The following GDAP2 variants were observed in gnomAD, a reference collection of about 807,000 sequenced individuals.
GDAP2 encodes ganglioside induced differentiation associated protein 2.
A neutral mutation model predicts 67.0 loss-of-function variants in GDAP2; 51 were observed. That is an observed-to-expected ratio of 0.76 (90% CI 0.61 to 0.96). The LOEUF (loss-of-function observed/expected upper bound fraction) is 0.96. Ranked by LOEUF, GDAP2 falls within the 40% of genes least tolerant of loss-of-function variation. The probability of loss-of-function intolerance (pLI) is 0.00; values close to 1 mark genes in which losing one functional copy is unlikely to be tolerated. For missense variants in GDAP2, 547 were observed against 588.3 expected (o/e 0.93, Z 0.73); for synonymous variants, 203 against 207.3 (o/e 0.98, Z 0.18).
intron 8 of GDAP2, 69 bp downstream of exon 8, chr1:117,896,764 T>G: frequency 9.9e-7 from 1 of 1,008,934 alleles, no homozygotes; most frequent in Non-Finnish European, 1.5e-6. Context: ...AGCTCATGCA[T>G]CAGATGCAAG....
At chr1:117,886,876 C>T (rs1043613577) in intron 9 of GDAP2, among the ~76,000 whole-genome samples, 1 of 151,982 alleles carries the variant, frequency 6.6e-6, no homozygotes, top group African/African-American at 2.4e-5. Flanking sequence ...TAAGAGAAGA[C>T]CTCTTAAAGA....
intron 5 of GDAP2, among the ~76,000 whole-genome samples, chr1:117,907,549 A>C (rs1432785985): frequency 1.3e-5 from 2 of 152,228 alleles, no homozygotes; most frequent in Non-Finnish European, 2.9e-5. Flanking sequence ...TTTTGGTTAC[A>C]TATCAACATC....
chr1:117,878,648 C>T (rs1340685730), intron 12 of GDAP2, among the ~76,000 whole-genome samples: 4 of 152,202 alleles, frequency 2.6e-5, no homozygotes, highest in African/African-American at 4.8e-5. Context: ...ATTTCTTTCT[C>T]GAAGTCCATC....
At chr1:117,873,783 T>C (rs987635326) in intron 13 of GDAP2, among the ~76,000 whole-genome samples, 1 of 152,202 alleles carries the variant, frequency 6.6e-6, no homozygotes, top group Non-Finnish European at 1.5e-5. Flanking sequence ...TGCTTCATCC[T>C]TAGTGGCTAC....
chr1:117,900,667 G>A (rs1350383355), intron 6 of GDAP2, among the ~76,000 whole-genome samples: 1 of 151,818 alleles, frequency 6.6e-6, no homozygotes, highest in Non-Finnish European at 1.5e-5. Context: ...TCGGGAGGCT[G>A]AGGCAGGGGA....
chr1:117,880,223 T>C (rs1173776458), intron 12 of GDAP2, among the ~76,000 whole-genome samples: 1 of 151,748 alleles, frequency 6.6e-6, no homozygotes, highest in African/African-American at 2.4e-5. Flanking sequence ...GGCTGACAAA[T>C]GAGACTGAGA....
At chr1:117,914,999 A>T (rs1649999668) in intron 3 of GDAP2, among the ~76,000 whole-genome samples, 1 of 152,160 alleles carries the variant, frequency 6.6e-6, no homozygotes, top group Non-Finnish European at 1.5e-5. Context: ...ACTGTGCAGC[A>T]GGCACAGAGA....
chr1:117,871,788 C>T (rs1038648509), intron 13 of GDAP2, among the ~76,000 whole-genome samples: 2 of 152,046 alleles, frequency 1.3e-5, no homozygotes, highest in Admixed American at 6.6e-5. Context: ...CTAGGATAGG[C>T]TACATTTCTA....
intron 13 of GDAP2, among the ~76,000 whole-genome samples, chr1:117,871,805 T>C (rs1192212419): frequency 4.6e-5 from 7 of 152,060 alleles, no homozygotes; most frequent in Non-Finnish European, 7.4e-5. Flanking sequence ...TCTAAAAACT[T>C]GAAAAACCTT....
intron 13 of GDAP2, chr1:117,877,276 G>T: frequency 1.0e-6 from 1 of 954,874 alleles, no homozygotes; most frequent in Non-Finnish European, 1.2e-6. Flanking sequence ...AATTAGGGAA[G>T]AATAATTCAT....
At chr1:117,875,590 C>G (rs1648430198) in intron 13 of GDAP2, among the ~76,000 whole-genome samples, 1 of 152,214 alleles carries the variant, frequency 6.6e-6, no homozygotes, top group African/African-American at 2.4e-5. Context: ...GGAAAAACCT[C>G]TAGCATTCAG....
rs533134204 is a variant in GDAP2 at position 117,912,804 on chromosome 1, A to G, written c.317-121T>C. On this transcript the variant is annotated intron_variant, in intron 3 of 13. Coordinates refer to ENST00000369443, the MANE Select transcript of GDAP2 (RefSeq NM_017686.4). ...TGAGAAATTTCAGTTAAAAATACAG[A>G]CTGAACACAAGCATTTATCTCTGTT... 83 of 791,586 alleles carry G rather than the reference A, an allele frequency of 1.0e-4. No individual in the cohort carries two copies. In the African/African-American group the frequency reaches 1.2e-3, roughly 12 times the overall value. 49.0% of individuals were successfully genotyped at this position (791,586 alleles called of 1,614,324 possible). A position where few individuals can be genotyped will look rare whatever the true frequency, so the allele number is the denominator to read the frequency against.
At chr1:117,913,734 G>A (rs947600360) in intron 3 of GDAP2, among the ~76,000 whole-genome samples, 2 of 152,054 alleles carry the variant, frequency 1.3e-5, no homozygotes, top group South Asian at 2.1e-4. Flanking sequence ...GGCAATAACC[G>A]TTGCCCACTG....
intron 1 of GDAP2, among the ~76,000 whole-genome samples, chr1:117,922,022 AG>A (rs1204299187): frequency 2.0e-5 from 3 of 152,012 alleles, no homozygotes; most frequent in Admixed American, 1.3e-4. Context: ...AGTAGGTTGT[AG>A]GGTAGAGTGA....
At chr1:117,929,323 A>C (rs17037749) in intron 1 of GDAP2, 125 bp downstream of exon 1, 5,797 of 152,384 alleles carry the variant, frequency 0.038, 232 homozygotes, top group African/African-American at 0.095. Context: ...CTCGTTCTTC[A>C]AGAGAAGTGA....
intron 8 of GDAP2, among the ~76,000 whole-genome samples, chr1:117,896,177 A>G (rs1443732524): frequency 6.6e-6 from 1 of 152,232 alleles, no homozygotes; most frequent in African/African-American, 2.4e-5. Context: ...AAACCCTATG[A>G]GGTGCTAACC....
In GDAP2 at chr1:117,881,872, T is replaced by C. The variant is rs376895745; in HGVS notation, c.1253A>G (p.Lys418Arg). ...KLYDVVDVKY[K>R]RNLKAVYFVH... ...AAAATAAACAGCCTTCAAATTCCTC[T>C]TGTACCTGATCCAAAAATAAAATGA... The change falls in exon 12 of 14, where the codon AAG becomes AGG. Residue 418 changes from lysine (K) to arginine (R), a missense_variant. Transcript: ENST00000369443. 2.0e-5 allele frequency: 31 copies of C among 1,556,256 alleles called. No individual in the cohort carries two copies. Among genetic ancestry groups the C allele is most frequent in the Non-Finnish European group, 2.6e-5 (29 of 1,127,530 alleles).
At chr1:117,899,312 T>C in intron 6 of GDAP2, 96 bp from the exon 7 acceptor site, 1 of 790,718 alleles carries the variant, frequency 1.3e-6, no homozygotes, top group Non-Finnish European at 2.1e-6. Context: ...GAAGACAACC[T>C]CCATCAAGAA....
At chr1:117,886,343 G>A (rs536680356) in intron 10 of GDAP2, among the ~76,000 whole-genome samples, 1 of 152,110 alleles carries the variant, frequency 6.6e-6, no homozygotes, top group South Asian at 2.1e-4. Flanking sequence ...AAGCAGTTGT[G>A]GTTTTGGAGA....
Sources: allele counts gnomAD v4.1 joint callset (sites outside exome capture counted in the v4.1 genomes callset), GRCh38; gene constraint gnomAD v4.1.1; transcripts MANE v1.5; gene names NCBI Gene and HGNC (gene_info 2026-07-23, HGNC 2026-07-21).